Variants in SLC6A2 observed in about 807,000 individuals in gnomAD.
The protein encoded by SLC6A2 is sodium-dependent noradrenaline transporter.
Under a neutral mutation model 71.7 loss-of-function variants are expected in SLC6A2, and 26 were observed. That is an observed-to-expected ratio of 0.36 (90% CI 0.27 to 0.50). The LOEUF is 0.50. Ranked by LOEUF, SLC6A2 falls within the 20% of genes least tolerant of loss-of-function variation. SLC6A2 has a pLI of 0.96. For synonymous variants in SLC6A2, 363 were observed against 337.9 expected (o/e 1.07, Z -0.82); for missense variants, 581 against 803.9 (o/e 0.72, Z 3.35).
Position 55,703,898 on chromosome 16 carries a change from C to A in SLC6A2, c.*1552C>A. 1 of 735,146 alleles carries A rather than the reference C, an allele frequency of 1.4e-6. No homozygotes were observed. The highest frequency in any genetic ancestry group is 6.1e-5 in the South Asian group (1 of 16,278). 45.5% of individuals were successfully genotyped at this position (735,146 alleles called of 1,614,324 possible). A position where few individuals can be genotyped will look rare whatever the true frequency, so the allele number is the denominator to read the frequency against. ...GGGAGATGGTTTTGTCTCCCAGGGT[C>A]CTGAGGTTTCCTTGCTGGGTCGGGG... On this transcript the variant is annotated 3_prime_UTR_variant, in exon 15 of 15. Transcript: ENST00000568943.
intron 6 of SLC6A2, among the ~76,000 whole-genome samples, chr16:55,693,124 C>G (rs904210722): frequency 2.6e-5 from 4 of 152,190 alleles, no homozygotes; most frequent in Admixed American, 6.5e-5. Flanking sequence ...CGGTGGCTCA[C>G]GCCTGTAATC....
chr16:55,701,177 T>A (rs1965961370), intron 13 of SLC6A2, among the ~76,000 whole-genome samples: 1 of 152,138 alleles, frequency 6.6e-6, no homozygotes, highest in Admixed American at 6.5e-5. Context: ...ATGGAAGGCA[T>A]CCTTGGGAGC....
chr16:55,668,616 T>A (rs2142506258), intron 2 of SLC6A2, among the ~76,000 whole-genome samples: 1 of 152,270 alleles, frequency 6.6e-6, no homozygotes, highest in East Asian at 1.9e-4. Context: ...ATGACATGTG[T>A]CCCAGTGAGT....
intron 3 of SLC6A2, among the ~76,000 whole-genome samples, chr16:55,670,149 A>C (rs1193800410): frequency 6.6e-6 from 1 of 152,210 alleles, no homozygotes; most frequent in African/African-American, 2.4e-5. Flanking sequence ...GCCTACTTGC[A>C]TTTGGGACTA....
intron 13 of SLC6A2, 144 bp downstream of exon 13, chr16:55,700,450 A>G (rs80351990): frequency 3.0e-6 from 2 of 674,260 alleles, no homozygotes; most frequent in African/African-American, 1.8e-5. Context: ...TGGCCAGGTT[A>G]TTTTCCCCCA....
rs1965610898 is a variant in SLC6A2, at chr16:55,691,228, GGGGAGAGAGA to G, written c.784-688_784-679del. Among the ~76,000 whole-genome samples the G allele has an allele frequency of 6.5e-5, 8 of 123,258 alleles. 1 individual carries two copies. The South Asian group carries it at 2.5e-3, about 38-fold the overall frequency. The allele number at this position is 123,258 out of a possible 152,430, so 80.9% of individuals were successfully genotyped here. On this transcript the variant is annotated intron_variant, in intron 5 of 14. Transcript: ENST00000568943. ...AAAAAGAGAGGGGGGGAGGGGAGAG[GGGGAGAGAGA>G]GAGAGAGAGAGAGAGAGAGAGAGAG...
intron 4 of SLC6A2, among the ~76,000 whole-genome samples, chr16:55,682,207 A>G (rs142793823): frequency 1.4e-4 from 21 of 152,238 alleles, no homozygotes; most frequent in African/African-American, 4.3e-4. Context: ...ATGCCTGGCT[A>G]TATAAGTCTA....
At chr16:55,679,925 CA>C (rs1965217157) in intron 4 of SLC6A2, among the ~76,000 whole-genome samples, 1 of 152,148 alleles carries the variant, frequency 6.6e-6, no homozygotes, top group Admixed American at 6.5e-5. Context: ...TGTTGGGGGA[CA>C]GGGGTGCACA....
At chr16:55,669,335 C>T (rs1268084623) in intron 2 of SLC6A2, among the ~76,000 whole-genome samples, 1 of 152,194 alleles carries the variant, frequency 6.6e-6, no homozygotes, top group African/African-American at 2.4e-5. Flanking sequence ...TTTTGCTTTG[C>T]TTAACCTAGA....
chr16:55,684,622 G>A (rs1307914321), intron 4 of SLC6A2, among the ~76,000 whole-genome samples: 1 of 152,126 alleles, frequency 6.6e-6, no homozygotes, highest in African/African-American at 2.4e-5. Flanking sequence ...ATCATTTTTT[G>A]TTATTGGAGA....
intron 9 of SLC6A2, among the ~76,000 whole-genome samples, chr16:55,697,101 T>G (rs902410470): frequency 1.3e-5 from 2 of 152,230 alleles, no homozygotes; most frequent in African/African-American, 2.4e-5. Context: ...TAAATCTATG[T>G]CTACCCTTAG....
Position 55,656,736 on chromosome 16 carries a change from C to T in SLC6A2, c.42C>T (p.Asn14=), listed in dbSNP as rs533695139. The change falls in exon 2 of 15, where the codon AAC becomes AAT. Residue 14 remains asparagine, a synonymous_variant. Transcript: ENST00000568943. The surrounding 1 kb of genome is among the most constrained non-coding windows in gnomAD (Gnocchi z 4.5). The part of the protein sequence containing the change: ...ARMNPQVQPE[N]NGADTGPEQP... ...TGAACCCGCAGGTGCAGCCCGAGAA[C>T]AACGGGGCGGACACGGGTCCAGAGC... 5.6e-6 allele frequency: 9 copies of T among 1,613,012 alleles called. No homozygotes were observed. In the African/African-American group the frequency reaches 1.1e-4, roughly 19 times the overall value.
In SLC6A2 at chr16:55,701,899, C is replaced by G. The variant is rs774201155; in HGVS notation, c.1795C>G (p.His599Asp). 16 of 1,614,008 alleles carry G rather than the reference C, an allele frequency of 9.9e-6. No homozygotes were observed. In the South Asian group the frequency reaches 1.6e-4, roughly 17 times the overall value. Reference protein sequence around the residue: ...AYGITPENEHHLVAQRDIRQF... With the variant: ...AYGITPENEHDLVAQRDIRQF... ...TGGCATCACGCCAGAGAACGAGCAC[C>G]ACCTGGTGGCTCAGAGGGACATCAG... The change falls in exon 14 of 15, where the codon CAC becomes GAC. Residue 599 changes from histidine (H) to aspartate (D), a missense_variant. Around this residue, in one of 5 missense-constraint regions of SLC6A2, gnomAD observed 334 missense variants for 449.0 expected, o/e 0.74. Coordinates refer to ENST00000568943, the MANE Select transcript of SLC6A2 (RefSeq NM_001172501.3).
rs1386804412 is a variant in SLC6A2, at chr16:55,706,042, GTAAA to G, written c.*3701_*3704del. On this transcript the variant is annotated 3_prime_UTR_variant, in exon 15 of 15. Coordinates refer to ENST00000568943, the MANE Select transcript of SLC6A2 (RefSeq NM_001172501.3). ...CATCCCTCTGTCTCTCTGCTTCCGT[GTAAA>G]TAAAGACTGTTTCAATTGTGTCCTC... 8 of 152,344 alleles carry G rather than the reference GTAAA, an allele frequency of 5.3e-5. No individual in the cohort carries two copies. The highest frequency in any genetic ancestry group is 2.6e-4 in the Admixed American group (4 of 15,304). 9.4% of individuals were successfully genotyped at this position (152,344 alleles called of 1,614,324 possible).
chr16:55,660,655 A>G (rs949994040), intron 2 of SLC6A2, among the ~76,000 whole-genome samples: 1 of 149,806 alleles, frequency 6.7e-6, no homozygotes, highest in African/African-American at 2.5e-5. Flanking sequence ...GATCTCGGGC[A>G]TAGTACAGCC....
chr16:55,703,867 GGGGCAGGGAGATGGTT>G lies in SLC6A2; in HGVS notation c.*1522_*1537del, dbSNP rs1966045043. 1 of 951,368 alleles carries G rather than the reference GGGGCAGGGAGATGGTT, an allele frequency of 1.1e-6. No homozygotes were observed. The highest frequency in any genetic ancestry group is 1.2e-4 in the East Asian group (1 of 8,656). 58.9% of individuals were successfully genotyped at this position (951,368 alleles called of 1,614,324 possible). A position where few individuals can be genotyped will look rare whatever the true frequency, so the allele number is the denominator to read the frequency against. On this transcript the variant is annotated 3_prime_UTR_variant, in exon 15 of 15. Coordinates refer to ENST00000568943, the MANE Select transcript of SLC6A2 (RefSeq NM_001172501.3). Reference sequence around the variant, plus strand: ...AAGAGGATTATGAGGGGACCAGGGTGGGGCAGGGAGATGGTTTTGTCTCCCAGGGTCCTGAGGTTTC... The same window carrying G: ...AAGAGGATTATGAGGGGACCAGGGTGTTGTCTCCCAGGGTCCTGAGGTTTC...
At chr16:55,697,772 C>T in intron 9 of SLC6A2, 125 bp from the exon 10 acceptor site, 1 of 969,746 alleles carries the variant, frequency 1.0e-6, no homozygotes, top group Non-Finnish European at 1.6e-6. Context: ...GTGCTGATTT[C>T]TCGAGAGAGG....
intron 4 of SLC6A2, among the ~76,000 whole-genome samples, chr16:55,681,225 G>A (rs1171727626): frequency 1.3e-5 from 2 of 152,286 alleles, no homozygotes; most frequent in African/African-American, 4.8e-5. Flanking sequence ...CTGATATTCT[G>A]TAACTCAGCC....
chr16:55,656,618 C>G lies in SLC6A2; in HGVS notation c.-51-26C>G. 1 of 1,585,604 alleles carries G rather than the reference C, an allele frequency of 6.3e-7. No individual in the cohort carries two copies. Among genetic ancestry groups the G allele is most frequent in the Non-Finnish European group, 8.6e-7 (1 of 1,159,624 alleles). On this transcript the variant is annotated intron_variant, in intron 1 of 14. Coordinates refer to ENST00000568943, the MANE Select transcript of SLC6A2 (RefSeq NM_001172501.3). This position sits in a 1 kb window ranked among gnomAD's most constrained non-coding sequence, Gnocchi z 4.5. ...AAGTAGGGAGGAACGGCCGGGTAAC[C>G]ACCTCTTTTCCCTTTATCCAAGCAG...
Sources: gnomAD v4.1 joint callset for allele counts (sites outside exome capture counted in the v4.1 genomes callset) on GRCh38, gnomAD v4.1.1 for gene constraint, gnomAD v4.1.1 regional missense constraint, Gnocchi (gnomAD v3.1) non-coding constraint, MANE v1.5 for transcripts, NCBI Gene and HGNC (gene_info 2026-07-23, HGNC 2026-07-21) for gene names.